Variants in MYLK observed in about 807,000 individuals in gnomAD.
The protein encoded by MYLK is myosin light chain kinase.
A neutral mutation model predicts 203.4 loss-of-function variants in MYLK; 106 were observed. That is an observed-to-expected ratio of 0.52 (90% CI 0.45 to 0.61). The LOEUF is 0.61. MYLK is among the 20% of genes least tolerant of loss of function. MYLK has a pLI of 0.00. For synonymous variants in MYLK, 867 were observed against 959.5 expected (o/e 0.90, Z 1.78); for missense variants, 2,072 against 2,442.3 (o/e 0.85, Z 3.20).
chr3:123,731,342 C>G (rs1385641568), intron 11 of MYLK, among the ~76,000 whole-genome samples: 1 of 152,166 alleles, frequency 6.6e-6, no homozygotes, highest in African/African-American at 2.4e-5. Context: ...CCTAGTTTCC[C>G]CTTCCTAGAG....
At chr3:123,725,430 A>G (rs1046247735) in intron 12 of MYLK, among the ~76,000 whole-genome samples, 6 of 152,236 alleles carry the variant, frequency 3.9e-5, no homozygotes, top group African/African-American at 9.6e-5. Flanking sequence ...GCGAGTCTCT[A>G]TAGGACTATC....
At chr3:123,693,514 C>CT (rs764699151) in intron 18 of MYLK, 2 of 154,236 alleles carry the variant, frequency 1.3e-5, no homozygotes, top group East Asian at 3.8e-4. Flanking sequence ...GAGGGGCCCT[C>CT]TGGGGCTGCC....
At chr3:123,638,247 G>C in intron 28 of MYLK, 53 bp from the exon 29 acceptor site, 2 of 1,611,834 alleles carry the variant, frequency 1.2e-6, no homozygotes, top group Non-Finnish European at 1.7e-6. Context: ...GAGCCAGCTT[G>C]AGACCAGCAG....
intron 3 of MYLK, among the ~76,000 whole-genome samples, chr3:123,801,126 T>C (rs2065181169): frequency 6.6e-6 from 1 of 152,268 alleles, no homozygotes. Context: ...TTTTCATATC[T>C]GCTTTTGCAT....
intron 24 of MYLK, among the ~76,000 whole-genome samples, chr3:123,649,933 G>A (rs1264623218): frequency 1.3e-5 from 2 of 152,226 alleles, no homozygotes; most frequent in African/African-American, 4.8e-5. Context: ...GAAGGCGTGA[G>A]TGATGTCACA....
rs62262907 is a variant in MYLK, at chr3:123,778,094, T to C, written c.165+15583A>G. Among the ~76,000 whole-genome samples, 1,053 of 152,220 alleles carry C rather than the reference T, an allele frequency of 6.9e-3. 11 individuals are homozygous for C. The highest frequency in any genetic ancestry group is 0.012 in the Non-Finnish European group (840 of 68,010). Reference sequence around the variant, plus strand: ...CTACTCCAGAAGAAGATTCTAAGCATTATAAAATTTAATCTATATGATGAT... The same window carrying C: ...CTACTCCAGAAGAAGATTCTAAGCACTATAAAATTTAATCTATATGATGAT... On this transcript the variant is annotated intron_variant, in intron 4 of 33. Coordinates refer to ENST00000360304, the MANE Select transcript of MYLK (RefSeq NM_053025.4).
chr3:123,727,522 G>T (rs1325483933), intron 11 of MYLK, among the ~76,000 whole-genome samples: 2 of 152,096 alleles, frequency 1.3e-5, no homozygotes, highest in African/African-American at 4.8e-5. Context: ...TAAGATTGTT[G>T]GGATAACTAA....
intron 3 of MYLK, among the ~76,000 whole-genome samples, chr3:123,798,440 C>T (rs1407253085): frequency 6.6e-6 from 1 of 152,092 alleles, no homozygotes; most frequent in African/African-American, 2.4e-5. Context: ...CTCTTCTCTA[C>T]CTTTGCTTTC....
At chr3:123,871,435 G>A (rs555290545) in intron 2 of MYLK, among the ~76,000 whole-genome samples, 2 of 152,130 alleles carry the variant, frequency 1.3e-5, no homozygotes, top group Non-Finnish European at 2.9e-5. Context: ...TAGCCAGATT[G>A]ACCAAGAGCA....
rs6799230 is a variant in MYLK, at chr3:123,844,910, T to C, written c.-126-13240A>G. On this transcript the variant is annotated intron_variant, in intron 2 of 33. Coordinates refer to ENST00000360304, the MANE Select transcript of MYLK (RefSeq NM_053025.4). ...CAGTGGCTATTCACAGGTACAATCATAGTGCACTGTAGCCTTGAACTCCTG... is the reference window on the plus strand; with the variant it reads ...CAGTGGCTATTCACAGGTACAATCACAGTGCACTGTAGCCTTGAACTCCTG... 5.6e-3 allele frequency among the ~76,000 whole-genome samples: 830 copies of C among 147,314 alleles called. 6 individuals carry two copies. Among genetic ancestry groups the C allele is most frequent in the African/African-American group, 0.019 (761 of 40,216 alleles).
chr3:123,785,785 C>G (rs2064488511), intron 4 of MYLK, among the ~76,000 whole-genome samples: 2 of 152,208 alleles, frequency 1.3e-5, no homozygotes, highest in Non-Finnish European at 2.9e-5. Flanking sequence ...CCCCATGTGA[C>G]TATTCAGCAC....
At chr3:123,652,864 C>A (rs1050965410) in intron 24 of MYLK, among the ~76,000 whole-genome samples, 38 of 152,042 alleles carry the variant, frequency 2.5e-4, no homozygotes, top group African/African-American at 8.5e-4. Context: ...AGTTCAGGGA[C>A]CCTAGTCTTA....
intron 24 of MYLK, among the ~76,000 whole-genome samples, chr3:123,653,582 G>A (rs2059288954): frequency 6.6e-6 from 1 of 152,200 alleles, no homozygotes; most frequent in Non-Finnish European, 1.5e-5. Context: ...GGCAGCAGGG[G>A]AGGGGAGTCT....
At chr3:123,646,020 G>A (rs1440806545) in intron 27 of MYLK, among the ~76,000 whole-genome samples, 1 of 152,156 alleles carries the variant, frequency 6.6e-6, no homozygotes, top group African/African-American at 2.4e-5. Flanking sequence ...GCGTGAGCCT[G>A]TGGTGAGGTG....
chr3:123,688,232 C>T (rs1300034931), intron 19 of MYLK, among the ~76,000 whole-genome samples: 4 of 152,088 alleles, frequency 2.6e-5, no homozygotes, highest in African/African-American at 7.2e-5. Flanking sequence ...CTCTGACCTC[C>T]CCCTCAACTC....
chr3:123,614,118 T>A lies in MYLK; in HGVS notation c.5732A>T (p.Glu1911Val), dbSNP rs776151609. The change falls in exon 34 of 34, where the codon GAG becomes GTG. Residue 1911 changes from glutamate to valine, a missense_variant. This residue lies in a region of MYLK where 524 missense variants were observed against 782.4 expected (regional missense o/e 0.67). Coordinates refer to ENST00000360304, the MANE Select transcript of MYLK (RefSeq NM_053025.4). ...TCTGGCTTTGTTTCACTCTTCTTCC[T>A]CTTCCCCTTCCCCTTCACCTTCCTC... is the stretch of plus-strand genomic sequence containing the variant. ...TMEEGEGEGE[E>V]EEE The A allele has an allele frequency of 3.7e-6, 6 of 1,613,776 alleles. No homozygotes were observed. Among genetic ancestry groups the A allele is most frequent in the Non-Finnish European group, 5.1e-6 (6 of 1,179,910 alleles).
At chr3:123,733,368 G>A (rs928888132) in intron 10 of MYLK, among the ~76,000 whole-genome samples, 4 of 152,138 alleles carry the variant, frequency 2.6e-5, no homozygotes, top group African/African-American at 4.8e-5. Flanking sequence ...AAGAAAGGGC[G>A]GAGGAGACCA....
chr3:123,841,724 C>A (rs1425659419), intron 2 of MYLK, among the ~76,000 whole-genome samples: 1 of 152,122 alleles, frequency 6.6e-6, no homozygotes, highest in Non-Finnish European at 1.5e-5. Context: ...CCCTCTTTAA[C>A]CCCCTACAAT....
In MYLK at chr3:123,612,871, T is replaced by TATCA. The variant is rs1254607155; in HGVS notation, c.*1230_*1233dup. On this transcript the variant is annotated 3_prime_UTR_variant, in exon 34 of 34. Coordinates refer to ENST00000360304, the MANE Select transcript of MYLK (RefSeq NM_053025.4). ...ACACACAGAGGAAATGTATTAGGTC[T>TATCA]ATCATCAATTATGGTCTTTGTTTAT... The TATCA allele has an allele frequency of 6.5e-6, 1 of 152,674 alleles. No homozygotes were observed. Among genetic ancestry groups the TATCA allele is most frequent in the Non-Finnish European group, 1.5e-5 (1 of 68,050 alleles). 9.5% of individuals were successfully genotyped at this position (152,674 alleles called of 1,614,324 possible). A position where few individuals can be genotyped will look rare whatever the true frequency, so the allele number is the denominator to read the frequency against.
Sources: allele counts gnomAD v4.1 joint callset (sites outside exome capture counted in the v4.1 genomes callset), GRCh38; gene constraint gnomAD v4.1.1; regional missense constraint gnomAD v4.1.1; transcripts MANE v1.5; gene names NCBI Gene and HGNC (gene_info 2026-07-23, HGNC 2026-07-21).